Variants in PDGFD observed in about 807,000 individuals in gnomAD.
PDGFD encodes the protein platelet derived growth factor D.
A neutral mutation model predicts 44.7 loss-of-function variants in PDGFD; 30 were observed. That is an observed-to-expected ratio of 0.67 (90% CI 0.50 to 0.91). The LOEUF is 0.91. Among genes scored for constraint, PDGFD ranks in the 40% least tolerant of loss-of-function variants. PDGFD has a pLI of 0.00. For missense variants in PDGFD, 445 were observed against 457.8 expected, an observed-to-expected ratio of 0.97 and a Z score of 0.25; for synonymous variants, 173 against 168.4, an observed-to-expected ratio of 1.03 and a Z score of -0.21.
intron 1 of PDGFD, among the ~76,000 whole-genome samples, chr11:104,014,190 C>G (rs970026210): frequency 3.9e-5 from 6 of 152,166 alleles, no homozygotes; most frequent in Non-Finnish European, 5.9e-5. Context: ...TACATTTTTG[C>G]TTCCTTCATG....
At chr11:104,145,216 A>T (rs566188496) in intron 1 of PDGFD, among the ~76,000 whole-genome samples, 1 of 152,292 alleles carries the variant, frequency 6.6e-6, no homozygotes, top group South Asian at 2.1e-4. Context: ...TCATTATTCC[A>T]TATGTCTCTC....
chr11:104,161,674 C>A (rs183259423), intron 1 of PDGFD, among the ~76,000 whole-genome samples: 1 of 152,184 alleles, frequency 6.6e-6, no homozygotes, highest in African/African-American at 2.4e-5. Flanking sequence ...TGAAGGAACA[C>A]AGACCGTTGC....
At chr11:103,945,568 C>T (rs1293829342) in intron 4 of PDGFD, 2 of 152,128 alleles carry the variant, frequency 1.3e-5, no homozygotes, top group East Asian at 1.9e-4. Context: ...CATGGCAGCA[C>T]ATAAAAAATC....
chr11:104,040,275 C>A (rs1860325498), intron 1 of PDGFD, among the ~76,000 whole-genome samples: 1 of 151,892 alleles, frequency 6.6e-6, no homozygotes, highest in African/African-American at 2.4e-5. Flanking sequence ...GGCCATATTC[C>A]AAATCCTAAA....
chr11:104,009,565 C>T (rs192582739), intron 1 of PDGFD, among the ~76,000 whole-genome samples: 18 of 151,812 alleles, frequency 1.2e-4, no homozygotes, highest in African/African-American at 3.1e-4. Context: ...AGACAATGTG[C>T]GGTGTTTTGT....
chr11:103,954,513 T>C lies in PDGFD; in HGVS notation c.511-6789A>G, dbSNP rs138332262. 5.2e-4 allele frequency among the ~76,000 whole-genome samples: 79 copies of C among 152,344 alleles called. 1 individual carries two copies. The highest frequency in any genetic ancestry group is 1.8e-3 in the African/African-American group (76 of 41,586). ...GAGTAGATAAGCCATAAACTATTCA[T>C]GGCTAGAGGGATGTGTTTCACCAGC... On this transcript the variant is annotated intron_variant, in intron 3 of 6. Coordinates refer to ENST00000393158, the MANE Select transcript of PDGFD (RefSeq NM_025208.5).
chr11:104,038,285 C>T (rs1860287710), intron 1 of PDGFD: 1 of 403,842 alleles, frequency 2.5e-6, no homozygotes. Flanking sequence ...AAAAGAAAAC[C>T]AGCTTCTTCC....
chr11:104,131,962 A>G (rs12284794), intron 1 of PDGFD, among the ~76,000 whole-genome samples: 19,793 of 151,624 alleles, frequency 0.13, 1,428 homozygotes, highest in East Asian at 0.29. Context: ...TGTTCAGAGA[A>G]GATCTGTTAA....
chr11:103,979,277 A>C (rs1859229429), intron 3 of PDGFD, among the ~76,000 whole-genome samples: 1 of 152,070 alleles, frequency 6.6e-6, no homozygotes, highest in African/African-American at 2.4e-5. Context: ...AACTGTTACC[A>C]GTCGGTAACT....
At chr11:104,030,861 A>G (rs147317819) in intron 1 of PDGFD, among the ~76,000 whole-genome samples, 5 of 152,170 alleles carry the variant, frequency 3.3e-5, no homozygotes, top group African/African-American at 1.2e-4. Flanking sequence ...GGACAGTCCC[A>G]TTCACTCCCT....
intron 1 of PDGFD, among the ~76,000 whole-genome samples, chr11:104,119,762 AAT>A (rs1861740534): frequency 2.7e-5 from 3 of 110,220 alleles, no homozygotes. Flanking sequence ...ATTTATATAT[AAT>A]ATATGATAAA....
At chr11:104,090,117 A>G (rs1861190305) in intron 1 of PDGFD, among the ~76,000 whole-genome samples, 1 of 152,182 alleles carries the variant, frequency 6.6e-6, no homozygotes, top group African/African-American at 2.4e-5. Context: ...AAAGATAGAA[A>G]AGAAATATTA....
chr11:103,947,846 T>C (rs1023305852), intron 3 of PDGFD, 122 bp from the exon 4 acceptor site: 137 of 739,762 alleles, frequency 1.9e-4, no homozygotes, highest in Non-Finnish European at 2.9e-4. Flanking sequence ...CATAGGGCTA[T>C]ATTCCTGCTG....
intron 1 of PDGFD, among the ~76,000 whole-genome samples, chr11:104,141,888 T>G (rs1043299060): frequency 1.7e-4 from 26 of 152,224 alleles, no homozygotes; most frequent in Admixed American, 7.2e-4. Context: ...TTTAAGAAAA[T>G]AAATTTCTGT....
intron 6 of PDGFD, among the ~76,000 whole-genome samples, chr11:103,917,471 T>C (rs753919432): frequency 6.6e-6 from 1 of 152,226 alleles, no homozygotes; most frequent in African/African-American, 2.4e-5. Flanking sequence ...TTTATGTTCT[T>C]AGATCCCGGT....
chr11:104,048,491 T>C (rs185483252), intron 1 of PDGFD, among the ~76,000 whole-genome samples: 166 of 152,258 alleles, frequency 1.1e-3, no homozygotes, highest in South Asian at 5.4e-3. Flanking sequence ...TCTCTCTCCA[T>C]GTGAATGAAA....
chr11:104,012,354 T>C (rs1265111083), intron 1 of PDGFD, among the ~76,000 whole-genome samples: 1 of 152,196 alleles, frequency 6.6e-6, no homozygotes, highest in Non-Finnish European at 1.5e-5. Flanking sequence ...TGTGATTCAA[T>C]GTAAAAAAGG....
chr11:104,035,561 CTTTTTT>C (rs3050598), intron 1 of PDGFD, among the ~76,000 whole-genome samples: 1,847 of 115,270 alleles, frequency 0.016, 47 homozygotes, highest in African/African-American at 0.057. Context: ...ACTTCTTTTT[CTTTTTT>C]TTTTTTTTTT....
intron 1 of PDGFD, among the ~76,000 whole-genome samples, chr11:104,133,154 T>C (rs1002242702): frequency 6.6e-6 from 1 of 152,102 alleles, no homozygotes; most frequent in Non-Finnish European, 1.5e-5. Flanking sequence ...AGTAGCACAG[T>C]ACTTTGGTAC....
Sources: gnomAD v4.1 joint callset for allele counts (sites outside exome capture counted in the v4.1 genomes callset) on GRCh38, gnomAD v4.1.1 for gene constraint, MANE v1.5 for transcripts, NCBI Gene and HGNC (gene_info 2026-07-23, HGNC 2026-07-21) for gene names.